NRBP1: variants seen among roughly 807,000 people sequenced by gnomAD.
The protein encoded by NRBP1 is nuclear receptor-binding protein.
In NRBP1, 10 loss-of-function variants were observed where a neutral mutation model predicts 76.0. That is an observed-to-expected ratio of 0.13 (90% CI 0.08 to 0.22). The LOEUF is 0.22. Among genes scored for constraint, NRBP1 ranks in the 10% least tolerant of loss-of-function variants. NRBP1 has a pLI of 1.00. For synonymous variants in NRBP1, 235 were observed against 240.2 expected, an observed-to-expected ratio of 0.98 and a Z score of 0.20; for missense variants, 344 against 646.0, an observed-to-expected ratio of 0.53 and a Z score of 5.07.
chr2:27,435,719 A>G (rs1664280300), intron 7 of NRBP1: 2 of 717,422 alleles, frequency 2.8e-6, no homozygotes, highest in Admixed American at 2.0e-5. Flanking sequence ...TCTGTTCCCA[A>G]CAGTCTTTCA....
intron 1 of NRBP1, 141 bp downstream of exon 1, chr2:27,428,872 C>G: frequency 2.5e-6 from 1 of 396,984 alleles, no homozygotes; most frequent in Non-Finnish European, 4.4e-6. Context: ...CAGGCCCGAT[C>G]GGGCCCTGCC....
intron 1 of NRBP1, 114 bp downstream of exon 1, chr2:27,428,845 C>G (rs1663978197): frequency 5.0e-6 from 2 of 397,744 alleles, no homozygotes; most frequent in Non-Finnish European, 8.9e-6. Context: ...GAAGGCGGCC[C>G]TGCTCACTCA....
intron 1 of NRBP1, 155 bp from the exon 2 acceptor site, chr2:27,433,099 G>C: frequency 1.9e-6 from 1 of 538,532 alleles, no homozygotes; most frequent in Non-Finnish European, 3.4e-6. Context: ...GGCTGGTCTT[G>C]AACTCCTGAC....
intron 2 of NRBP1, 40 bp from the exon 3 acceptor site, chr2:27,433,633 G>A (rs1456311878): frequency 1.2e-6 from 2 of 1,612,874 alleles, no homozygotes; most frequent in African/African-American, 2.7e-5. Context: ...GAGGATTTGT[G>A]AGATAAGTTT....
chr2:27,439,743 C>T, intron 10 of NRBP1, 23 bp from the exon 11 acceptor site: 2 of 1,613,608 alleles, frequency 1.2e-6, no homozygotes, highest in Non-Finnish European at 1.7e-6. Flanking sequence ...ATGCCTGCTC[C>T]AGTTCCTTGT....
intron 6 of NRBP1, 54 bp from the exon 7 acceptor site, chr2:27,435,079 T>C: frequency 9.4e-7 from 1 of 1,064,080 alleles, no homozygotes; most frequent in Non-Finnish European, 1.4e-6. Flanking sequence ...ACCCTTGGGT[T>C]CCCCCTGCCC....
In NRBP1 at chr2:27,439,905, C is replaced by T. The variant is rs762662795; in HGVS notation, c.1036+7C>T. 37 of 1,583,924 alleles carry T rather than the reference C, an allele frequency of 2.3e-5. No homozygotes were observed. Among genetic ancestry groups the T allele is most frequent in the African/African-American group, 4.0e-5 (3 of 74,162 alleles). Reference sequence around the variant, plus strand: ...TGCATTGTGGGACACCAACGTGAGTCGTCTTGGCCCTATGGGGAATAGTCT... The same window carrying T: ...TGCATTGTGGGACACCAACGTGAGTTGTCTTGGCCCTATGGGGAATAGTCT... On this transcript the variant is annotated splice_region_variant and intron_variant, in intron 11 of 17. Transcript: ENST00000379852.
intron 16 of NRBP1, 100 bp from the exon 17 acceptor site, chr2:27,441,467 G>T: frequency 6.8e-7 from 1 of 1,463,492 alleles, no homozygotes; most frequent in Admixed American, 1.7e-5. Flanking sequence ...CTAAAGCAGT[G>T]GGTGGATCTG....
Position 27,434,891 on chromosome 2 carries a change from T to G in NRBP1, c.566+129T>G, listed in dbSNP as rs1173628087. 1.1e-5 allele frequency: 11 copies of G among 1,006,080 alleles called. No homozygotes were observed. The Admixed American group carries it at 1.1e-4, about 10-fold the overall frequency. The allele number at this position is 1,006,080 out of a possible 1,614,324, so 62.3% of individuals were successfully genotyped here. The stretch of plus-strand genomic sequence containing the variant: ...TCTTTGAATCATATACTGTCAAGAT[T>G]AGGGCCCCTACGGGTCTTTTAAAGG... On this transcript the variant is annotated intron_variant, in intron 6 of 17. Coordinates refer to ENST00000379852, the MANE Select transcript of NRBP1 (RefSeq NM_013392.4).
At chr2:27,433,157 GCA>G in intron 1 of NRBP1, 95 bp from the exon 2 acceptor site, 1 of 824,910 alleles carries the variant, frequency 1.2e-6, no homozygotes, top group Non-Finnish European at 1.9e-6. Context: ...GGGATTACAG[GCA>G]TGAGCCACCA....
intron 11 of NRBP1, 53 bp downstream of exon 11, chr2:27,439,951 CTA>C (rs1664461814): frequency 3.7e-6 from 5 of 1,334,348 alleles, no homozygotes; most frequent in Non-Finnish European, 5.0e-6. Context: ...AGCCCTGTAA[CTA>C]TCACTGGCAT....
chr2:27,438,032 C>G (rs1425661812), intron 10 of NRBP1, among the ~76,000 whole-genome samples: 1 of 151,424 alleles, frequency 6.6e-6, no homozygotes, highest in Non-Finnish European at 1.5e-5. Flanking sequence ...ACTAAAAATA[C>G]AAAAATTAGC....
intron 11 of NRBP1, 64 bp from the exon 12 acceptor site, chr2:27,440,339 A>G (rs1248412271): frequency 7.0e-6 from 8 of 1,135,132 alleles, no homozygotes; most frequent in South Asian, 6.2e-5. Flanking sequence ...CTTTGCCTGC[A>G]TGCCTTCTTT....
Position 27,440,496 on chromosome 2 carries a change from C to G in NRBP1, c.1130C>G (p.Pro377Arg). ...ATCCCTGCAGGACCAGGAAGAGAACCAGTTCAGACTTTGTGAGTAACTGAG... is the reference window on the plus strand; with the variant it reads ...ATCCCTGCAGGACCAGGAAGAGAACGAGTTCAGACTTTGTGAGTAACTGAG... ...AEIPAGPGRE[P>R]VQTLYSQSPA... Residue 377 changes from proline (P) to arginine (R), a missense_variant, in exon 12 of 18, where the codon CCA becomes CGA. Physicochemically the swap from Pro to Arg is moderately radical, Grantham distance 103 (BLOSUM62 -2). Transcript: ENST00000379852. 1 of 1,613,800 alleles carries G rather than the reference C, an allele frequency of 6.2e-7. No homozygotes were observed.
intron 8 of NRBP1, 63 bp downstream of exon 8, chr2:27,436,899 G>C (rs1664327808): frequency 6.6e-7 from 1 of 1,507,178 alleles, no homozygotes; most frequent in South Asian, 1.1e-5. Flanking sequence ...TATAACTTGA[G>C]GTACAGAGGC....
At chr2:27,438,789 A>G (rs1664411351) in intron 10 of NRBP1, among the ~76,000 whole-genome samples, 2 of 152,000 alleles carry the variant, frequency 1.3e-5, no homozygotes, top group Non-Finnish European at 2.9e-5. Flanking sequence ...GTAAAACCCT[A>G]TCTCTATGAA....
chr2:27,433,247 A>G lies in NRBP1; in HGVS notation c.-20-7A>G. ...TTTTCCCTCTGTATTTGCCCCAACC[A>G]GTGCAGGCCTGAGTGTTCCTTCCAG... On this transcript the variant is annotated splice_region_variant and splice_polypyrimidine_tract_variant and intron_variant, in intron 1 of 17. Coordinates refer to ENST00000379852, the MANE Select transcript of NRBP1 (RefSeq NM_013392.4). The G allele has an allele frequency of 6.3e-7, 1 of 1,590,946 alleles. No individual in the cohort carries two copies. Among genetic ancestry groups the G allele is most frequent in the South Asian group, 1.1e-5 (1 of 90,558 alleles).
intron 2 of NRBP1, 84 bp from the exon 3 acceptor site, chr2:27,433,589 C>A: frequency 6.2e-7 from 1 of 1,602,276 alleles, no homozygotes; most frequent in Non-Finnish European, 8.5e-7. Context: ...AGGTTGGGGG[C>A]TAGGAGGAGA....
chr2:27,434,831 A>T, intron 6 of NRBP1, 69 bp downstream of exon 6: 1 of 1,456,608 alleles, frequency 6.9e-7, no homozygotes, highest in Non-Finnish European at 9.6e-7. Context: ...ATTTCAGGGC[A>T]CTACTCTTCT....
Sources: gnomAD v4.1 joint callset for allele counts (sites outside exome capture counted in the v4.1 genomes callset) on GRCh38, gnomAD v4.1.1 for gene constraint, MANE v1.5 for transcripts, NCBI Gene and HGNC (gene_info 2026-07-23, HGNC 2026-07-21) for gene names.